The following RXFP2 variants were observed in gnomAD, a reference collection of about 807,000 sequenced individuals.
The protein encoded by RXFP2 is relaxin receptor 2.
A neutral mutation model predicts 88.6 loss-of-function variants in RXFP2; 68 were observed. The ratio of observed to expected loss-of-function variants is 0.77; its 90% confidence interval spans 0.63 to 0.94. The LOEUF is 0.94. RXFP2 is among the 40% of genes least tolerant of loss of function. RXFP2 has a pLI of 0.00. For synonymous variants in RXFP2, 329 were observed against 306.8 expected (o/e 1.07, Z -0.76); for missense variants, 791 against 893.9 (o/e 0.88, Z 1.47).
chr13:31,759,319 G>A (rs1017566374), intron 2 of RXFP2, among the ~76,000 whole-genome samples: 5 of 146,098 alleles, frequency 3.4e-5, no homozygotes, highest in Non-Finnish European at 7.5e-5. Context: ...TTGGAGGGAG[G>A]GATACTTCAA....
In RXFP2 at chr13:31,778,551, G is replaced by A. The variant is rs1247910838; in HGVS notation, c.753G>A (p.Gln251=). ...VNNYLEALPK[Q]MCAQMPQLNW... The stretch of plus-strand genomic sequence containing the variant: ...ACTACTTAGAAGCTCTTCCCAAGCA[G>A]ATGTGTGCCCAAATGCCTCAACTCA... Residue 251 remains glutamine (Q), a synonymous_variant, in exon 9 of 18, where the codon CAG becomes CAA. Transcript: ENST00000298386. The A allele has an allele frequency of 6.2e-7, 1 of 1,612,052 alleles. No homozygotes were observed. Among genetic ancestry groups the A allele is most frequent in the Admixed American group, 1.7e-5 (1 of 60,000 alleles).
intron 17 of RXFP2, among the ~76,000 whole-genome samples, chr13:31,799,988 T>C (rs984036044): frequency 6.6e-6 from 1 of 152,190 alleles, no homozygotes; most frequent in Admixed American, 6.5e-5. Context: ...GAGTAGAACA[T>C]TGTCTTGTGG....
At chr13:31,742,431 T>C (rs778758025) in intron 1 of RXFP2, among the ~76,000 whole-genome samples, 3 of 152,332 alleles carry the variant, frequency 2.0e-5, no homozygotes, top group East Asian at 1.9e-4. Context: ...CTGTGGATAG[T>C]TGTGAAAATC....
chr13:31,739,653 G>C lies in RXFP2; in HGVS notation c.41G>C (p.Arg14Thr), dbSNP rs547301611. 5.6e-6 allele frequency: 9 copies of C among 1,609,954 alleles called. No homozygotes were observed. The East Asian group carries it at 1.6e-4, about 28-fold the overall frequency. ...GTTTTTAAACATCTCTTCAGCCTCA[G>C]ATTGATTACAATGTTCTTTCTACTT... ...FLVFKHLFSLRLITMFFLLHF... is the reference protein window; with the variant it reads ...FLVFKHLFSLTLITMFFLLHF... Residue 14 changes from arginine (R) to threonine (T), a missense_variant, in exon 1 of 18, where the codon AGA becomes ACA. By Grantham distance (71) the Arg-to-Thr change is moderately conservative. Coordinates refer to ENST00000298386, the MANE Select transcript of RXFP2 (RefSeq NM_130806.5).
chr13:31,749,466 T>C, intron 1 of RXFP2, among the ~76,000 whole-genome samples: 1 of 152,234 alleles, frequency 6.6e-6, no homozygotes, highest in East Asian at 1.9e-4. Flanking sequence ...TATCCATTCC[T>C]ACACACATAC....
At chr13:31,756,287 G>A (rs1219579429) in intron 1 of RXFP2, among the ~76,000 whole-genome samples, 1 of 152,174 alleles carries the variant, frequency 6.6e-6, no homozygotes, top group East Asian at 1.9e-4. Context: ...AAGTAGACGT[G>A]CCTTCGTGTT....
chr13:31,775,216 A>T (rs1265538657), intron 6 of RXFP2, 102 bp from the exon 7 acceptor site: 1 of 953,084 alleles, frequency 1.0e-6, no homozygotes, highest in Non-Finnish European at 1.7e-6. Context: ...TCAGACGCAG[A>T]TGTCCATATC....
intron 7 of RXFP2, among the ~76,000 whole-genome samples, chr13:31,775,826 C>G (rs142625904): frequency 6.6e-6 from 1 of 152,248 alleles, no homozygotes; most frequent in Non-Finnish European, 1.5e-5. Flanking sequence ...ACTTTCCAGA[C>G]TGAGCCACCA....
chr13:31,797,121 A>G, intron 16 of RXFP2, 80 bp from the exon 17 acceptor site: 2 of 971,962 alleles, frequency 2.1e-6, no homozygotes, highest in Non-Finnish European at 3.4e-6. Flanking sequence ...ATTTTGGGTA[A>G]GGGATACTCA....
intron 9 of RXFP2, among the ~76,000 whole-genome samples, chr13:31,779,398 T>G (rs1873160089): frequency 6.6e-6 from 1 of 152,158 alleles, no homozygotes; most frequent in Non-Finnish European, 1.5e-5. Context: ...TCTTCTATAC[T>G]GTTCCATAAA....
intron 5 of RXFP2, among the ~76,000 whole-genome samples, chr13:31,772,199 C>T (rs1178432028): frequency 6.6e-6 from 1 of 152,160 alleles, no homozygotes; most frequent in Non-Finnish European, 1.5e-5. Flanking sequence ...CAGCAGTTCT[C>T]CTCCTTATTG....
chr13:31,760,401 T>C (rs886205089), intron 2 of RXFP2, among the ~76,000 whole-genome samples: 11 of 152,160 alleles, frequency 7.2e-5, no homozygotes, highest in Non-Finnish European at 1.3e-4. Context: ...CTTATCATTG[T>C]ATTTATCTTC....
Position 31,802,521 on chromosome 13 carries a change from G to A in RXFP2, c.*116G>A. 1.8e-6 allele frequency: 2 copies of A among 1,107,542 alleles called. No homozygotes were observed. The highest frequency in any genetic ancestry group is 2.7e-6 in the Non-Finnish European group (2 of 734,038). The allele number at this position is 1,107,542 out of a possible 1,614,324, so 68.6% of individuals were successfully genotyped here. A position where few individuals can be genotyped will look rare whatever the true frequency, so the allele number is the denominator to read the frequency against. On this transcript the variant is annotated 3_prime_UTR_variant, in exon 18 of 18. Coordinates refer to ENST00000298386, the MANE Select transcript of RXFP2 (RefSeq NM_130806.5). ...CCAACGGCAAGCCTTTCTGCACAGA[G>A]AGCACAGCAGAATGGCTCCTGTCAC...
intron 3 of RXFP2, 76 bp from the exon 4 acceptor site, chr13:31,764,961 A>G (rs1872480439): frequency 6.3e-6 from 5 of 799,956 alleles, no homozygotes; most frequent in East Asian, 2.5e-5. Flanking sequence ...AAAGAAAACA[A>G]TATCAGTTAT....
intron 16 of RXFP2, among the ~76,000 whole-genome samples, chr13:31,795,184 C>G (rs998118166): frequency 1.3e-5 from 2 of 151,250 alleles, no homozygotes; most frequent in African/African-American, 4.9e-5. Context: ...GAGTCTTGCC[C>G]TGTCTCCCAG....
chr13:31,780,744 C>G (rs1873227824), intron 9 of RXFP2, among the ~76,000 whole-genome samples: 1 of 152,168 alleles, frequency 6.6e-6, no homozygotes, highest in Non-Finnish European at 1.5e-5. Flanking sequence ...AGGCGCTGTC[C>G]ACGTATGTGG....
chr13:31,796,038 CTTTTTTTTTT>C lies in RXFP2; in HGVS notation c.1787-1143_1787-1134del, dbSNP rs776535132. On this transcript the variant is annotated intron_variant, in intron 16 of 17. Coordinates refer to ENST00000298386, the MANE Select transcript of RXFP2 (RefSeq NM_130806.5). ...ATACATTTTTGTTCTATGTGTTATT[CTTTTTTTTTT>C]TTTTTTTTTTTTTTTTTTTGAGACG... 4.5e-3 allele frequency among the ~76,000 whole-genome samples: 165 copies of C among 36,988 alleles called. 1 individual carries two copies. Among genetic ancestry groups the C allele is most frequent in the African/African-American group, 0.018 (148 of 8,222 alleles). 24.3% of individuals were successfully genotyped at this position (36,988 alleles called of 152,430 possible).
chr13:31,750,041 A>G (rs1170614075), intron 1 of RXFP2, among the ~76,000 whole-genome samples: 3 of 152,220 alleles, frequency 2.0e-5, no homozygotes, highest in African/African-American at 7.2e-5. Context: ...TTGCATAGTT[A>G]TTTTAAAGTC....
chr13:31,766,145 A>G lies in RXFP2; in HGVS notation c.497+118A>G, dbSNP rs147648551. 76 of 657,438 alleles carry G rather than the reference A, an allele frequency of 1.2e-4. No homozygotes were observed. The East Asian group carries it at 1.9e-3, about 16-fold the overall frequency. 40.7% of individuals were successfully genotyped at this position (657,438 alleles called of 1,614,324 possible). ...TTTATCATTACATTTATGTTTCTAAATGTAATTAAGATTAGAAAATAAAAC... is the reference window on the plus strand; with the variant it reads ...TTTATCATTACATTTATGTTTCTAAGTGTAATTAAGATTAGAAAATAAAAC... On this transcript the variant is annotated intron_variant, in intron 5 of 17. Coordinates refer to ENST00000298386, the MANE Select transcript of RXFP2 (RefSeq NM_130806.5).
Sources: allele counts gnomAD v4.1 joint callset (sites outside exome capture counted in the v4.1 genomes callset), GRCh38; gene constraint gnomAD v4.1.1; transcripts MANE v1.5; gene names NCBI Gene and HGNC (gene_info 2026-07-23, HGNC 2026-07-21).